The following NAGS variants were observed in gnomAD, a reference collection of about 807,000 sequenced individuals.
NAGS encodes N-acetylglutamate synthase.
Under a neutral mutation model 46.9 loss-of-function variants are expected in NAGS, and 34 were observed. The observed-to-expected ratio is 0.72, with a 90% confidence interval of 0.55 to 0.97. The LOEUF (loss-of-function observed/expected upper bound fraction) is 0.97. NAGS is among the 50% of genes least tolerant of loss of function. The probability of loss-of-function intolerance (pLI) is 0.00; values close to 1 mark genes in which losing one functional copy is unlikely to be tolerated. For synonymous variants in NAGS, 334 were observed against 346.3 expected, an observed-to-expected ratio of 0.96 and a Z score of 0.39; for missense variants, 665 against 747.0, an observed-to-expected ratio of 0.89 and a Z score of 1.28.
Position 44,005,701 on chromosome 17 carries a change from T to G in NAGS, c.491T>G (p.Leu164Trp). 6.2e-7 allele frequency: 1 copy of G among 1,603,904 alleles called. No homozygotes were observed. The highest frequency in any genetic ancestry group is 2.3e-5 in the East Asian group (1 of 44,428). The change falls in exon 2 of 7, where the codon TTG becomes TGG. Residue 164 changes from leucine to tryptophan, a missense_variant. Transcript: ENST00000293404. The surrounding 1 kb of genome is among the most constrained non-coding windows in gnomAD (Gnocchi z 7.2). The stretch of plus-strand genomic sequence containing the variant: ...AGTCTGGCCTTTGCCCTGGCCTTCT[T>G]GCAGCGCATGGACATGAAGCCGCTG... The part of the protein sequence containing the change: ...VSSLAFALAF[L>W]QRMDMKPLVV...
Position 44,006,370 on chromosome 17 carries a change from G to A in NAGS, c.915+133G>A. On this transcript the variant is annotated intron_variant, in intron 3 of 6. Coordinates refer to ENST00000293404, the MANE Select transcript of NAGS (RefSeq NM_153006.3). The surrounding 1 kb of genome is among the most constrained non-coding windows in gnomAD (Gnocchi z 4.8). ...TAGAAAAGCCTAAGGGAGTATAGGG[G>A]AGGAGTTCAGCCCTGGGTGCCCAGA... 6.9e-7 allele frequency: 1 copy of A among 1,445,886 alleles called. No homozygotes were observed. Among genetic ancestry groups the A allele is most frequent in the Non-Finnish European group, 9.5e-7 (1 of 1,054,766 alleles). The allele number at this position is 1,445,886 out of a possible 1,614,324, so 89.6% of individuals were successfully genotyped here. A position where few individuals can be genotyped will look rare whatever the true frequency, so the allele number is the denominator to read the frequency against.
In NAGS at chr17:44,008,864, T is replaced by C; in HGVS notation, c.*263T>C. Reference sequence around the variant, plus strand: ...GGCCTTCGATTTTCAACCTGGGGATTAGGGGAGGGGAGGGTGCCTTCCAGG... The same window carrying C: ...GGCCTTCGATTTTCAACCTGGGGATCAGGGGAGGGGAGGGTGCCTTCCAGG... On this transcript the variant is annotated 3_prime_UTR_variant, in exon 7 of 7. Coordinates refer to ENST00000293404, the MANE Select transcript of NAGS (RefSeq NM_153006.3). 7.2e-6 allele frequency: 4 copies of C among 552,062 alleles called. No individual in the cohort carries two copies. The highest frequency in any genetic ancestry group is 1.3e-5 in the Non-Finnish European group (4 of 307,144). The allele number at this position is 552,062 out of a possible 1,614,324, so 34.2% of individuals were successfully genotyped here.
chr17:44,008,839 G>T lies in NAGS; in HGVS notation c.*238G>T. ...ACTCACTCTAAAGCTACAACCAAAT[G>T]GCCTTCGATTTTCAACCTGGGGATT... On this transcript the variant is annotated 3_prime_UTR_variant, in exon 7 of 7. Coordinates refer to ENST00000293404, the MANE Select transcript of NAGS (RefSeq NM_153006.3). The T allele has an allele frequency of 1.7e-6, 1 of 594,514 alleles. No individual in the cohort carries two copies. Among genetic ancestry groups the T allele is most frequent in the Admixed American group, 2.9e-5 (1 of 34,266 alleles). The allele number at this position is 594,514 out of a possible 1,614,324, so 36.8% of individuals were successfully genotyped here.
Position 44,004,962 on chromosome 17 carries a change from C to G in NAGS, c.299C>G (p.Ser100Trp), listed in dbSNP as rs764150659. ...TCCCCAGAGCCTCCTTCGGGCCGCT[C>G]GCTGGTGCAGCGGGACATCCAGGCC... ...HESPEPPSGR[S>W]LVQRDIQAFL... The change falls in exon 1 of 7, where the codon TCG becomes TGG. Residue 100 changes from serine to tryptophan, a missense_variant. Ser to Trp is a radical substitution (Grantham distance 177). Transcript: ENST00000293404. 1.2e-5 allele frequency: 19 copies of G among 1,539,006 alleles called. No homozygotes were observed. In the Admixed American group the frequency reaches 3.3e-4, roughly 27 times the overall value.
Position 44,005,897 on chromosome 17 carries a change from G to T in NAGS, c.687G>T (p.Pro229=), listed in dbSNP as rs1319985208. Residue 229 remains proline (P), a synonymous_variant, in exon 2 of 7, where the codon CCG becomes CCT. Coordinates refer to ENST00000293404, the MANE Select transcript of NAGS (RefSeq NM_153006.3). This position sits in a 1 kb window ranked among gnomAD's most constrained non-coding sequence, Gnocchi z 7.2. ...GGTCTGTGCTACGCGCTGCCGAGCC[G>T]GCTCCCCATGCCAGGTGAGTGCCCG... ...GGGSVLRAAE[P]APHASYGGIV... is the part of the protein sequence containing the mutation. 10 of 1,548,132 alleles carry T rather than the reference G, an allele frequency of 6.5e-6. No homozygotes were observed. The highest frequency in any genetic ancestry group is 7.8e-6 in the Non-Finnish European group (9 of 1,150,436).
At position 44,006,135 on chromosome 17, in the gene NAGS, T is replaced by C. The variant is rs2049087427; in HGVS notation, c.813T>C (p.Leu271=). 5 of 1,613,142 alleles carry C rather than the reference T, an allele frequency of 3.1e-6. No individual in the cohort carries two copies. Among genetic ancestry groups the C allele is most frequent in the Non-Finnish European group, 4.2e-6 (5 of 1,179,938 alleles). ...AGACGGCCGCGCGCCGCTCCGTGCT[T>C]CTCGACTCCCTGGAGGTGACCGCGT... The part of the protein sequence containing the change: ...IGETAARRSV[L]LDSLEVTASL... Residue 271 remains leucine, a synonymous_variant, in exon 3 of 7, where the codon CTT becomes CTC. Transcript: ENST00000293404. The surrounding 1 kb of genome is among the most constrained non-coding windows in gnomAD (Gnocchi z 4.8).
Position 44,005,753 on chromosome 17 carries a change from G to T in NAGS, c.543G>T (p.Thr181=). The stretch of plus-strand genomic sequence containing the variant: ...TGGTCCTGGGGCTGCCGGCCCCTAC[G>T]GCTCCCTCGGGCTGTCTTTCCTTCT... ...PLVVLGLPAP[T]APSGCLSFWE... Residue 181 remains threonine (T), a synonymous_variant, in exon 2 of 7, where the codon ACG becomes ACT. Transcript: ENST00000293404. This position sits in a 1 kb window ranked among gnomAD's most constrained non-coding sequence, Gnocchi z 7.2. 6.3e-7 allele frequency: 1 copy of T among 1,589,896 alleles called. No individual in the cohort carries two copies. Among genetic ancestry groups the T allele is most frequent in the East Asian group, 2.3e-5 (1 of 43,842 alleles).
rs2049117034 is a variant in NAGS, at chr17:44,007,865, C to A, written c.1451+92C>A. On this transcript the variant is annotated intron_variant, in intron 6 of 6. Transcript: ENST00000293404. This position sits in a 1 kb window ranked among gnomAD's most constrained non-coding sequence, Gnocchi z 5.1. ...CCATGCCAAGAAGGCTGGGCTTCCTCTTCTTCCACTGGTCTCCCTTTCACT... is the reference window on the plus strand; with the variant it reads ...CCATGCCAAGAAGGCTGGGCTTCCTATTCTTCCACTGGTCTCCCTTTCACT... 4 of 1,300,804 alleles carry A rather than the reference C, an allele frequency of 3.1e-6. No homozygotes were observed. Among genetic ancestry groups the A allele is most frequent in the African/African-American group, 1.5e-5 (1 of 68,290 alleles). 80.6% of individuals were successfully genotyped at this position (1,300,804 alleles called of 1,614,324 possible).
chr17:44,006,063 G>A lies in NAGS; in HGVS notation c.741G>A (p.Gln247=). The change falls in exon 3 of 7, where the codon CAG becomes CAA. Residue 247 remains glutamine, a synonymous_variant. Coordinates refer to ENST00000293404, the MANE Select transcript of NAGS (RefSeq NM_153006.3). The surrounding 1 kb of genome is among the most constrained non-coding windows in gnomAD (Gnocchi z 4.8). ...GIVSVETDLL[Q]WCLESGSIPI... ...TCTCGGTGGAGACAGACCTGCTGCA[G>A]TGGTGCCTGGAGTCGGGCAGCATCC... 2 of 1,609,994 alleles carry A rather than the reference G, an allele frequency of 1.2e-6. No homozygotes were observed. Among genetic ancestry groups the A allele is most frequent in the Non-Finnish European group, 1.7e-6 (2 of 1,179,032 alleles).
At position 44,005,185 on chromosome 17, in the gene NAGS, G is replaced by A; in HGVS notation, c.426+96G>A. 2 of 1,468,266 alleles carry A rather than the reference G, an allele frequency of 1.4e-6. No individual in the cohort carries two copies. The highest frequency in any genetic ancestry group is 1.4e-5 in the African/African-American group (1 of 71,420). 91.0% of individuals were successfully genotyped at this position (1,468,266 alleles called of 1,614,324 possible). On this transcript the variant is annotated intron_variant, in intron 1 of 6. Transcript: ENST00000293404. The surrounding 1 kb of genome is among the most constrained non-coding windows in gnomAD (Gnocchi z 7.2). ...TGGCAGGATACGCTGCGGGCTCTGC[G>A]CAGCGGAAGCGGGAAGGAGCCCGGC...
chr17:44,006,254 C>T lies in NAGS; in HGVS notation c.915+17C>T. 1 of 1,611,628 alleles carries T rather than the reference C, an allele frequency of 6.2e-7. No homozygotes were observed. The highest frequency in any genetic ancestry group is 8.5e-7 in the Non-Finnish European group (1 of 1,179,300). ...AGTCATAAGGTGCGGCCCTTTCTTTCACCTTCCCCCACGCCGGCGATCCGG... is the reference window on the plus strand; with the variant it reads ...AGTCATAAGGTGCGGCCCTTTCTTTTACCTTCCCCCACGCCGGCGATCCGG... On this transcript the variant is annotated intron_variant, in intron 3 of 6. Transcript: ENST00000293404. The surrounding 1 kb of genome is among the most constrained non-coding windows in gnomAD (Gnocchi z 4.8).
chr17:44,007,515 G>A lies in NAGS; in HGVS notation c.1268+21G>A. On this transcript the variant is annotated intron_variant, in intron 5 of 6. Coordinates refer to ENST00000293404, the MANE Select transcript of NAGS (RefSeq NM_153006.3). This position sits in a 1 kb window ranked among gnomAD's most constrained non-coding sequence, Gnocchi z 5.1. ...GAGGGGTAAGCCTGCGGACCCCAGA[G>A]GGCGGGGTCTGGGGGGCAGTCGGGC... 2 of 1,613,556 alleles carry A rather than the reference G, an allele frequency of 1.2e-6. No individual in the cohort carries two copies. The highest frequency in any genetic ancestry group is 8.5e-7 in the Non-Finnish European group (1 of 1,179,922).
At position 44,005,560 on chromosome 17, in the gene NAGS, A is replaced by G; in HGVS notation, c.427-77A>G. The G allele has an allele frequency of 6.4e-7, 1 of 1,551,438 alleles. No individual in the cohort carries two copies. Among genetic ancestry groups the G allele is most frequent in the Non-Finnish European group, 8.7e-7 (1 of 1,144,458 alleles). ...CTTCTGGAAGGGTAGGGTCACCGAG[A>G]CGGCCCTGCAGGCCAGGCTGTGGGA... On this transcript the variant is annotated intron_variant, in intron 1 of 6. Coordinates refer to ENST00000293404, the MANE Select transcript of NAGS (RefSeq NM_153006.3). This position sits in a 1 kb window ranked among gnomAD's most constrained non-coding sequence, Gnocchi z 7.2.
In NAGS at chr17:44,007,436, A is replaced by T; in HGVS notation, c.1210A>T (p.Arg404Trp). The change falls in exon 5 of 7, where the codon AGG (arginine) becomes TGG (tryptophan). Residue 404 changes from arginine (R) to tryptophan (W), a missense_variant. By Grantham distance (101) the Arg-to-Trp change is moderately radical. Transcript: ENST00000293404. The surrounding 1 kb of genome is among the most constrained non-coding windows in gnomAD (Gnocchi z 5.1). ...CAACGCCAGCTTCGGCAAGAAGCTC[A>T]GGGACGACTACCTGGCCTCGCTGCG... ...LVNASFGKKL[R>W]DDYLASLRPR... 1 of 1,613,942 alleles carries T rather than the reference A, an allele frequency of 6.2e-7. No homozygotes were observed. Among genetic ancestry groups the T allele is most frequent in the Non-Finnish European group, 8.5e-7 (1 of 1,180,012 alleles).
In NAGS at chr17:44,006,404, C is replaced by T; in HGVS notation, c.916-125C>T. ...AGCCCTGGGTGCCCAGATCTGCGCC[C>T]TCCCTGGCTAAGGACTCCGGGCGGA... is the stretch of plus-strand genomic sequence containing the variant. On this transcript the variant is annotated intron_variant, in intron 3 of 6. Coordinates refer to ENST00000293404, the MANE Select transcript of NAGS (RefSeq NM_153006.3). The surrounding 1 kb of genome is among the most constrained non-coding windows in gnomAD (Gnocchi z 4.8). 1.4e-6 allele frequency: 2 copies of T among 1,481,044 alleles called. No individual in the cohort carries two copies. The allele number at this position is 1,481,044 out of a possible 1,614,324, so 91.7% of individuals were successfully genotyped here.
chr17:44,006,435 G>A lies in NAGS; in HGVS notation c.916-94G>A. ...GGCTAAGGACTCCGGGCGGAAGTAA[G>A]GATAAAGGGGTCAGAGAAAAGAGAG... On this transcript the variant is annotated intron_variant, in intron 3 of 6. Coordinates refer to ENST00000293404, the MANE Select transcript of NAGS (RefSeq NM_153006.3). The surrounding 1 kb of genome is among the most constrained non-coding windows in gnomAD (Gnocchi z 4.8). 1 of 1,524,350 alleles carries A rather than the reference G, an allele frequency of 6.6e-7. No individual in the cohort carries two copies. Among genetic ancestry groups the A allele is most frequent in the Non-Finnish European group, 8.9e-7 (1 of 1,127,998 alleles). 94.4% of individuals were successfully genotyped at this position (1,524,350 alleles called of 1,614,324 possible).
At position 44,006,472 on chromosome 17, in the gene NAGS, T is replaced by C. The variant is rs228770; in HGVS notation, c.916-57T>C. On this transcript the variant is annotated intron_variant, in intron 3 of 6. Transcript: ENST00000293404. The surrounding 1 kb of genome is among the most constrained non-coding windows in gnomAD (Gnocchi z 4.8). ...CAGAGAAAAGAGAGGTCCGTGGGGGTAGGGGGGCAGTCCGTGCCGGCTGTG... is the reference window on the plus strand; with the variant it reads ...CAGAGAAAAGAGAGGTCCGTGGGGGCAGGGGGGCAGTCCGTGCCGGCTGTG... 1,458,122 of 1,543,224 alleles carry C rather than the reference T, an allele frequency of 0.94. 689,381 individuals carry two copies. Among genetic ancestry groups the C allele is most frequent in the East Asian group, 1 (40,833 of 40,846 alleles).
In NAGS at chr17:44,006,790, GGCTT is replaced by G; in HGVS notation, c.1096+82_1096+85del. 2.8e-6 allele frequency: 4 copies of G among 1,416,936 alleles called. No individual in the cohort carries two copies. The highest frequency in any genetic ancestry group is 3.8e-6 in the Non-Finnish European group (4 of 1,049,582). The allele number at this position is 1,416,936 out of a possible 1,614,324, so 87.8% of individuals were successfully genotyped here. A position where few individuals can be genotyped will look rare whatever the true frequency, so the allele number is the denominator to read the frequency against. ...CTGGGTGTCTGCGGTCAGGAGGAGCGGCTTCTCCTCCTGTCCAGGAGCCGTAGGG... is the reference window on the plus strand; with the variant it reads ...CTGGGTGTCTGCGGTCAGGAGGAGCGCTCCTCCTGTCCAGGAGCCGTAGGG... On this transcript the variant is annotated intron_variant, in intron 4 of 6. Coordinates refer to ENST00000293404, the MANE Select transcript of NAGS (RefSeq NM_153006.3). The surrounding 1 kb of genome is among the most constrained non-coding windows in gnomAD (Gnocchi z 4.8).
In NAGS at chr17:44,007,242, A is replaced by G; in HGVS notation, c.1097-81A>G. ...TCCCAAAGACGGAAATTGTCCCACC[A>G]GCGCCTGTCCTACCTGCAGTCCCCA... On this transcript the variant is annotated intron_variant, in intron 4 of 6. Coordinates refer to ENST00000293404, the MANE Select transcript of NAGS (RefSeq NM_153006.3). This position sits in a 1 kb window ranked among gnomAD's most constrained non-coding sequence, Gnocchi z 5.1. 7.3e-7 allele frequency: 1 copy of G among 1,378,160 alleles called. No individual in the cohort carries two copies. The highest frequency in any genetic ancestry group is 1.0e-6 in the Non-Finnish European group (1 of 995,220). The allele number at this position is 1,378,160 out of a possible 1,614,324, so 85.4% of individuals were successfully genotyped here.
Sources: allele counts gnomAD v4.1 joint callset, GRCh38; gene constraint gnomAD v4.1.1; non-coding constraint Gnocchi (gnomAD v3.1); transcripts MANE v1.5; gene names NCBI Gene and HGNC (gene_info 2026-07-23, HGNC 2026-07-21).